Variants in SNTG2 observed in about 807,000 individuals in gnomAD.
SNTG2 encodes gamma-2-syntrophin.
A neutral mutation model predicts 70.9 loss-of-function variants in SNTG2; 74 were observed. That is an observed-to-expected ratio of 1.04 (90% confidence interval 0.86 to 1.27). SNTG2 has a LOEUF of 1.27. Ranked by LOEUF, SNTG2 falls within the 50% of genes most tolerant of loss-of-function variation. The probability of loss-of-function intolerance (pLI) is 0.00; values close to 1 mark genes in which losing one functional copy is unlikely to be tolerated. For synonymous variants in SNTG2, 278 were observed against 273.8 expected (o/e 1.02, Z -0.15); for missense variants, 717 against 690.7 (o/e 1.04, Z -0.43).
chr2:1,094,048 CTTG>C, intron 2 of SNTG2, among the ~76,000 whole-genome samples: 1 of 78,470 alleles, frequency 1.3e-5, no homozygotes, highest in African/African-American at 6.1e-5. Flanking sequence ...AGCTTCCTGG[CTTG>C]CAGGCGAAGG....
intron 8 of SNTG2, among the ~76,000 whole-genome samples, chr2:1,184,057 C>T (rs1672098348): frequency 6.6e-6 from 1 of 152,140 alleles, no homozygotes; most frequent in Admixed American, 6.6e-5. Flanking sequence ...TGTTGAGTTA[C>T]AAGCACTCAA....
At chr2:1,084,711 C>A (rs943089714) in intron 2 of SNTG2, among the ~76,000 whole-genome samples, 4 of 152,218 alleles carry the variant, frequency 2.6e-5, no homozygotes, top group Admixed American at 6.5e-5. Context: ...TCTGGAGGCT[C>A]AGAGCACAGG....
At chr2:958,035 T>A (rs1660229653) in intron 1 of SNTG2, among the ~76,000 whole-genome samples, 1 of 152,128 alleles carries the variant, frequency 6.6e-6, no homozygotes, top group African/African-American at 2.4e-5. Context: ...ATTGCTAACA[T>A]CTACTAGGTA....
chr2:1,039,316 G>A (rs977783833), intron 1 of SNTG2, among the ~76,000 whole-genome samples: 2 of 152,070 alleles, frequency 1.3e-5, no homozygotes, highest in African/African-American at 4.8e-5. Flanking sequence ...CTCACAATTA[G>A]ATTGCATTTT....
chr2:1,236,950 CT>C (rs34225491), intron 9 of SNTG2, among the ~76,000 whole-genome samples: 3 of 148,188 alleles, frequency 2.0e-5, no homozygotes, highest in Admixed American at 6.7e-5. Context: ...TTCTTTTTTT[CT>C]TTTTTTTTTC....
At chr2:1,208,181 A>G (rs181535524) in intron 8 of SNTG2, among the ~76,000 whole-genome samples, 1 of 152,308 alleles carries the variant, frequency 6.6e-6, no homozygotes, top group African/African-American at 2.4e-5. Flanking sequence ...TTAAAACACC[A>G]GAAATGCCTT....
chr2:1,197,549 G>GTGTATATA (rs1553353498), intron 8 of SNTG2, among the ~76,000 whole-genome samples: 5 of 138,626 alleles, frequency 3.6e-5, no homozygotes, highest in African/African-American at 1.4e-4. Context: ...GTGTGTGTGT[G>GTGTATATA]TATATTTGAT....
intron 16 of SNTG2, among the ~76,000 whole-genome samples, chr2:1,338,939 A>G (rs1327109257): frequency 6.6e-6 from 1 of 152,204 alleles, no homozygotes. Context: ...GGAACTGCTC[A>G]TCTGTTCTCC....
intron 1 of SNTG2, among the ~76,000 whole-genome samples, chr2:1,042,744 C>T (rs1661510203): frequency 6.6e-6 from 1 of 152,094 alleles, no homozygotes; most frequent in Non-Finnish European, 1.5e-5. Flanking sequence ...TGTATATGGA[C>T]CACATTTTCT....
intron 16 of SNTG2, among the ~76,000 whole-genome samples, chr2:1,350,121 C>T (rs1019645573): frequency 6.6e-6 from 1 of 152,090 alleles, no homozygotes; most frequent in Non-Finnish European, 1.5e-5. Context: ...ATCACCCCCC[C>T]AGTGCCTTCT....
intron 6 of SNTG2, among the ~76,000 whole-genome samples, chr2:1,159,145 T>TG (rs67031103): frequency 0.068 from 10,141 of 148,506 alleles, 762 homozygotes; most frequent in African/African-American, 0.18. Flanking sequence ...TGTGCATATG[T>TG]GGGGGGGGTG....
intron 16 of SNTG2, among the ~76,000 whole-genome samples, chr2:1,335,791 G>T (rs1194521402): frequency 2.0e-5 from 3 of 151,792 alleles, no homozygotes; most frequent in Non-Finnish European, 4.4e-5. Context: ...ATATGAGATG[G>T]ATGTTCACAC....
intron 1 of SNTG2, among the ~76,000 whole-genome samples, chr2:965,098 T>TCTCCTCCTTGGACCCCAGTC (rs1293641287): frequency 1.3e-5 from 2 of 148,184 alleles, no homozygotes; most frequent in East Asian, 2.1e-4. Context: ...GGACTCCAGT[T>TCTCCTCCTTGGACCCCAGTC]CTCCTCCTTG....
intron 6 of SNTG2, among the ~76,000 whole-genome samples, chr2:1,162,337 C>T (rs924093563): frequency 2.6e-5 from 4 of 152,096 alleles, no homozygotes; most frequent in Non-Finnish European, 4.4e-5. Context: ...GGACTTCAGG[C>T]ACACTGGCTG....
chr2:971,934 C>G (rs1660758842), intron 1 of SNTG2, among the ~76,000 whole-genome samples: 1 of 151,990 alleles, frequency 6.6e-6, no homozygotes, highest in Admixed American at 6.5e-5. Flanking sequence ...CATTCAGGAG[C>G]AGGTTGTTTA....
At chr2:1,139,615 CAGA>C (rs1304941260) in intron 6 of SNTG2, among the ~76,000 whole-genome samples, 1 of 152,146 alleles carries the variant, frequency 6.6e-6, no homozygotes, top group Middle Eastern at 3.4e-3. Flanking sequence ...CACTTGAGGC[CAGA>C]GGTTCAAGTC....
chr2:1,327,716 C>G (rs371936728), intron 16 of SNTG2, among the ~76,000 whole-genome samples: 1 of 152,134 alleles, frequency 6.6e-6, no homozygotes, highest in Non-Finnish European at 1.5e-5. Context: ...TTACTGATAA[C>G]TCCAAAAACA....
chr2:1,155,639 G>C (rs12714394), intron 6 of SNTG2, among the ~76,000 whole-genome samples: 105,517 of 151,982 alleles, frequency 0.69, 38,565 homozygotes, highest in Non-Finnish European at 0.83. Flanking sequence ...GTGCCAGTGA[G>C]AGAGACGGCC....
chr2:1,082,421 GCA>G (rs1664392499), intron 1 of SNTG2, among the ~76,000 whole-genome samples: 1 of 152,160 alleles, frequency 6.6e-6, no homozygotes, highest in African/African-American at 2.4e-5. Context: ...TTGCAGAGCT[GCA>G]GGGTCCTATG....
Sources: allele counts gnomAD v4.1 joint callset (sites outside exome capture counted in the v4.1 genomes callset), GRCh38; gene constraint gnomAD v4.1.1; transcripts MANE v1.5; gene names NCBI Gene and HGNC (gene_info 2026-07-23, HGNC 2026-07-21).